Variants in PKD1 observed in about 807,000 individuals in gnomAD.
PKD1 encodes the protein polycystin-1.
A neutral mutation model predicts 361.7 loss-of-function variants in PKD1; 81 were observed. That is an observed-to-expected ratio of 0.22 (90% CI 0.19 to 0.27). The LOEUF (loss-of-function observed/expected upper bound fraction) is 0.27. Ranked by LOEUF, PKD1 falls within the 10% of genes least tolerant of loss-of-function variation. The probability of loss-of-function intolerance (pLI) is 1.00; values close to 1 mark genes in which losing one functional copy is unlikely to be tolerated. For missense variants in PKD1, 6,399 were observed against 6,118.3 expected, an observed-to-expected ratio of 1.05 and a Z score of -1.53; for synonymous variants, 3,615 against 2,818.3, an observed-to-expected ratio of 1.28 and a Z score of -8.95.
At chr16:2,098,465 C>T (rs1232611302) in intron 30 of PKD1, among the ~76,000 whole-genome samples, 1 of 148,846 alleles carries the variant, frequency 6.7e-6, no homozygotes, top group Admixed American at 6.7e-5. Context: ...CCCGCCTCCG[C>T]CTCCCAAAGT....
chr16:2,089,160 C>G lies in PKD1; in HGVS notation c.*567G>C, dbSNP rs769130086. 5.9e-6 allele frequency: 1 copy of G among 170,496 alleles called. No individual in the cohort carries two copies. Among genetic ancestry groups the G allele is most frequent in the South Asian group, 1.5e-4 (1 of 6,476 alleles). 10.6% of individuals were successfully genotyped at this position (170,496 alleles called of 1,614,324 possible). ...CCAAGCAGCAGCCGGGCTGCCATAACGCCACCACACCTACCAAGCGCAGCA... is the reference window on the plus strand; with the variant it reads ...CCAAGCAGCAGCCGGGCTGCCATAAGGCCACCACACCTACCAAGCGCAGCA... On this transcript the variant is annotated 3_prime_UTR_variant, in exon 46 of 46. Coordinates refer to ENST00000262304, the MANE Select transcript of PKD1 (RefSeq NM_001009944.3).
At position 2,105,970 on chromosome 16, in the gene PKD1, G is replaced by T. The variant is rs758100518; in HGVS notation, c.7758C>A (p.Val2586=). The change falls in exon 20 of 46, where the codon GTC becomes GTA. Residue 2586 remains valine (V), a synonymous_variant. Coordinates refer to ENST00000262304, the MANE Select transcript of PKD1 (RefSeq NM_001009944.3). ...CACTAGCGGTGAGCCCGTGCAGCCA[G>T]ACTGTGAGCCCCGTTGCGCTGCCGT... ...EPNGSATGLT[V]WLHGLTASVL... 1.9e-6 allele frequency: 3 copies of T among 1,601,484 alleles called. No homozygotes were observed. Among genetic ancestry groups the T allele is most frequent in the African/African-American group, 2.7e-5 (2 of 74,958 alleles).
chr16:2,128,884 G>T (rs1390005798), intron 1 of PKD1, among the ~76,000 whole-genome samples: 31 of 150,512 alleles, frequency 2.1e-4, no homozygotes, highest in Non-Finnish European at 1.0e-4. Context: ...TTTTTTTTGA[G>T]ACAGAGTCTC....
At position 2,103,723 on chromosome 16, in the gene PKD1, G is replaced by A. The variant is rs559071281; in HGVS notation, c.8334C>T (p.Gly2778=). ...GCTTGCCCTGGGCCACGATCTCCTC[G>A]CCCGCCAGCGTCAGGGGCTCCTCGT... is the stretch of plus-strand genomic sequence containing the variant. The part of the protein sequence containing the change: ...VLNEEPLTLA[G]EEIVAQGKRS... The change falls in exon 23 of 46, where the codon GGC becomes GGT. Residue 2778 remains glycine, a synonymous_variant. Transcript: ENST00000262304. 3.8e-4 allele frequency: 612 copies of A among 1,609,970 alleles called. 7 individuals are homozygous for A. The South Asian group carries it at 6.2e-3, about 16-fold the overall frequency.
In PKD1 at chr16:2,112,819, G is replaced by A. The variant is rs372221661; in HGVS notation, c.3130C>T (p.Leu1044=). The A allele has an allele frequency of 1.3e-6, 2 of 1,599,984 alleles. No homozygotes were observed. The highest frequency in any genetic ancestry group is 1.7e-6 in the Non-Finnish European group (2 of 1,179,590). ...NATLALTAGV[L]VDSAVEVAFL... is the part of the protein sequence containing the mutation. ...GCCACCTCCACGGCCGAGTCCACCA[G>A]CACGCCCGCCGTCAGTGCTAGCGTG... Residue 1044 remains leucine, a synonymous_variant, in exon 13 of 46, where the codon CTG becomes TTG. Coordinates refer to ENST00000262304, the MANE Select transcript of PKD1 (RefSeq NM_001009944.3).
intron 13 of PKD1, 133 bp downstream of exon 13, chr16:2,112,655 C>G: frequency 8.8e-7 from 1 of 1,134,046 alleles, no homozygotes; most frequent in Non-Finnish European, 1.3e-6. Context: ...CTCCTGTGCA[C>G]CCAGTTACCT....
intron 26 of PKD1, among the ~76,000 whole-genome samples, chr16:2,101,646 G>A (rs898816608): frequency 2.0e-5 from 3 of 152,250 alleles, no homozygotes; most frequent in East Asian, 1.9e-4. Flanking sequence ...AACAAAAAGG[G>A]AATGCCAGAA....
In PKD1 at chr16:2,106,338, C is replaced by T; in HGVS notation, c.7490-34G>A. 2 of 1,602,560 alleles carry T rather than the reference C, an allele frequency of 1.2e-6. No individual in the cohort carries two copies. Among genetic ancestry groups the T allele is most frequent in the South Asian group, 1.1e-5 (1 of 90,528 alleles). On this transcript the variant is annotated intron_variant, in intron 18 of 45. Coordinates refer to ENST00000262304, the MANE Select transcript of PKD1 (RefSeq NM_001009944.3). The surrounding 1 kb of genome is among the most constrained non-coding windows in gnomAD (Gnocchi z 6.5). ...CGGTCCCCACGGCATCACGGGAGGG[C>T]TCCGTGACGTCACAGAGTCGGGGGA... is the stretch of plus-strand genomic sequence containing the variant.
chr16:2,098,111 A>G, intron 30 of PKD1, 127 bp from the exon 31 acceptor site: 1 of 654,286 alleles, frequency 1.5e-6, no homozygotes. Context: ...AGAATGCTGG[A>G]TATATGGGAC....
intron 34 of PKD1, 195 bp downstream of exon 34, chr16:2,096,953 G>A: frequency 1.3e-5 from 8 of 605,084 alleles, no homozygotes; most frequent in Non-Finnish European, 2.4e-5. Flanking sequence ...TCCCTAGAGG[G>A]AAGGTTCTGG....
Position 2,089,561 on chromosome 16 carries a change from G to T in PKD1, c.*166C>A. ...ACCCTGGGTCCTGGTTGGCCACACA[G>T]CCTCTTTAAAGTGCTGAAGCCCACA... On this transcript the variant is annotated 3_prime_UTR_variant, in exon 46 of 46. Coordinates refer to ENST00000262304, the MANE Select transcript of PKD1 (RefSeq NM_001009944.3). The T allele has an allele frequency of 1.2e-6, 1 of 845,090 alleles. No homozygotes were observed. The highest frequency in any genetic ancestry group is 1.8e-6 in the Non-Finnish European group (1 of 544,252). The allele number at this position is 845,090 out of a possible 1,614,324, so 52.3% of individuals were successfully genotyped here. A position where few individuals can be genotyped will look rare whatever the true frequency, so the allele number is the denominator to read the frequency against.
At position 2,109,337 on chromosome 16, in the gene PKD1, C is replaced by T. The variant is rs200001471; in HGVS notation, c.5830G>A (p.Gly1944Arg). The change falls in exon 15 of 46, where the codon GGA becomes AGA. Residue 1944 changes from glycine (G) to arginine (R), a missense_variant. Gly to Arg is a moderately radical substitution (Grantham distance 125). Transcript: ENST00000262304. Reference sequence around the variant, plus strand: ...CCCCGCACGCTCACCACGTGGTCTCCGACGCGGGGGAAGCTGTGGGAGAAA... The same window carrying T: ...CCCCGCACGCTCACCACGTGGTCTCTGACGCGGGGGAAGCTGTGGGAGAAA... ...PRFSHSFPRV[G>R]DHVVSVRGKN... 1.8e-4 allele frequency: 280 copies of T among 1,590,506 alleles called. 1 individual carries two copies. The highest frequency in any genetic ancestry group is 2.2e-4 in the Non-Finnish European group (257 of 1,172,714).
Position 2,110,940 on chromosome 16 carries a change from G to C in PKD1, c.4227C>G (p.Pro1409=), listed in dbSNP as rs747088849. The part of the protein sequence containing the change: ...WLVACAWPPF[P]YRYTWDFGTE... ...TGCCAAAGTCCCAGGTGTAGCGGTA[G>C]GGGAACGGGGGCCAGGCACATGCCA... is the stretch of plus-strand genomic sequence containing the variant. The change falls in exon 15 of 46, where the codon CCC becomes CCG. Residue 1409 remains proline, a synonymous_variant. Coordinates refer to ENST00000262304, the MANE Select transcript of PKD1 (RefSeq NM_001009944.3). The C allele has an allele frequency of 6.2e-7, 1 of 1,610,980 alleles. No individual in the cohort carries two copies. The highest frequency in any genetic ancestry group is 8.5e-7 in the Non-Finnish European group (1 of 1,179,832).
At chr16:2,115,271 G>A (rs2092612461) in intron 10 of PKD1, 107 bp downstream of exon 10, 14 of 1,192,266 alleles carry the variant, frequency 1.2e-5, no homozygotes, top group Non-Finnish European at 1.4e-5. Context: ...GACGTGGGAG[G>A]GGCCTGCAGG....
At position 2,108,577 on chromosome 16, in the gene PKD1, CGCTGGCA is replaced by C. The variant is rs1555454353; in HGVS notation, c.6583_6589del (p.Cys2195GlyfsTer15). The C allele has an allele frequency of 6.4e-7, 1 of 1,563,514 alleles. No individual in the cohort carries two copies. Among genetic ancestry groups the C allele is most frequent in the Non-Finnish European group, 8.7e-7 (1 of 1,154,152 alleles). On this transcript the variant is annotated frameshift_variant, in exon 15 of 46. Coordinates refer to ENST00000262304, the MANE Select transcript of PKD1 (RefSeq NM_001009944.3). LOFTEE classifies it high-confidence loss of function. Reference sequence around the variant, plus strand: ...GGCCACACGCGCTGGGCGCCCCGGCCGCTGGCAGCTGGCGGTGCGATACACCTCCCAG... The same window carrying C: ...GGCCACACGCGCTGGGCGCCCCGGCCGCTGGCGGTGCGATACACCTCCCAG...
rs752991611 is a variant in PKD1, at chr16:2,094,112, G to C, written c.10598C>G (p.Ala3533Gly). 67 of 1,591,134 alleles carry C rather than the reference G, an allele frequency of 4.2e-5. No homozygotes were observed. The highest frequency in any genetic ancestry group is 5.5e-5 in the Non-Finnish European group (64 of 1,167,944). Residue 3533 changes from alanine to glycine, a missense_variant, in exon 35 of 46, where the codon GCA (alanine) becomes GGA (glycine). Physicochemically the swap from Ala to Gly is moderately conservative, Grantham distance 60. Transcript: ENST00000262304. The stretch of plus-strand genomic sequence containing the variant: ...CACACCTGTCCTGGACAGCCTCGCT[G>C]CCTGGGGCTGTTCCCAGTTCAGGCC... ...SPGLNWEQPQ[A>G]ARLSRTGLVE...
intron 21 of PKD1, among the ~76,000 whole-genome samples, chr16:2,104,903 G>A (rs574361128): frequency 2.6e-5 from 2 of 78,006 alleles, no homozygotes; most frequent in East Asian, 3.5e-4. Context: ...GGGGAGAGAG[G>A]AGAGGGGAGT....
chr16:2,109,510 G>C lies in PKD1; in HGVS notation c.5657C>G (p.Pro1886Arg), dbSNP rs80360487. 1.9e-6 allele frequency: 3 copies of C among 1,610,036 alleles called. No individual in the cohort carries two copies. Among genetic ancestry groups the C allele is most frequent in the Non-Finnish European group, 2.5e-6 (3 of 1,179,312 alleles). Residue 1886 changes from proline (P) to arginine (R), a missense_variant, in exon 15 of 46, where the codon CCC (proline) becomes CGC (arginine). By Grantham distance (103) the Pro-to-Arg change is moderately radical. Coordinates refer to ENST00000262304, the MANE Select transcript of PKD1 (RefSeq NM_001009944.3). ...SATYNLTAEEPIVGLVLWASS... is the reference protein window; with the variant it reads ...SATYNLTAEERIVGLVLWASS... The stretch of plus-strand genomic sequence containing the variant: ...GGCCCACAGCACCAGGCCCACGATG[G>C]GCTCCTCCGCCGTGAGGTTGTACGT...
At chr16:2,128,992 T>C (rs1358343223) in intron 1 of PKD1, among the ~76,000 whole-genome samples, 2 of 151,894 alleles carry the variant, frequency 1.3e-5, no homozygotes, top group East Asian at 3.9e-4. Flanking sequence ...GCCTCCTAAT[T>C]AGCTGGGATT....
Sources: gnomAD v4.1 joint callset for allele counts (sites outside exome capture counted in the v4.1 genomes callset) on GRCh38, gnomAD v4.1.1 for gene constraint, Gnocchi (gnomAD v3.1) non-coding constraint, MANE v1.5 for transcripts, NCBI Gene and HGNC (gene_info 2026-07-23, HGNC 2026-07-21) for gene names.